TMC1: variants seen among roughly 807,000 people sequenced by gnomAD.
TMC1 encodes the protein transmembrane channel like 1.
In TMC1, 84 loss-of-function variants were observed where a neutral mutation model predicts 105.8. The observed-to-expected ratio is 0.79, with a 90% CI of 0.67 to 0.95. TMC1 has a LOEUF of 0.95. TMC1 is among the 40% of genes least tolerant of loss of function. The probability of loss-of-function intolerance (pLI) is 0.00; values close to 1 mark genes in which losing one functional copy is unlikely to be tolerated. For missense variants in TMC1, 817 were observed against 914.1 expected (o/e 0.89, Z 1.37); for synonymous variants, 315 against 311.5 (o/e 1.01, Z -0.12).
intron 2 of TMC1, among the ~76,000 whole-genome samples, chr9:72,614,065 CT>C (rs1350845909): frequency 1.3e-5 from 2 of 152,152 alleles, no homozygotes; most frequent in Non-Finnish European, 2.9e-5. Context: ...TATCCTAAAA[CT>C]ATTGAACCTG....
In TMC1 at chr9:72,719,143, G is replaced by T. The variant is rs183792002; in HGVS notation, c.362+18500G>T. The stretch of plus-strand genomic sequence containing the variant: ...CAGCCTCCTGGTTGAGAAAGCAAGC[G>T]GGGCTTTTGTGCCACCTCCCTGCCT... On this transcript the variant is annotated intron_variant, in intron 8 of 23. Transcript: ENST00000297784. 2.7e-3 allele frequency among the ~76,000 whole-genome samples: 414 copies of T among 152,258 alleles called. 1 individual carries two copies. Among genetic ancestry groups the T allele is most frequent in the Non-Finnish European group, 4.7e-3 (321 of 68,018 alleles).
intron 10 of TMC1, among the ~76,000 whole-genome samples, chr9:72,744,993 T>C (rs1564527141): frequency 6.6e-6 from 1 of 152,240 alleles, no homozygotes; most frequent in Non-Finnish European, 1.5e-5. Context: ...TCTAGTAAAT[T>C]TGGAAAGCCA....
chr9:72,792,473 A>G, intron 17 of TMC1, 121 bp downstream of exon 17: 1 of 1,175,472 alleles, frequency 8.5e-7, no homozygotes. Flanking sequence ...GATTTGTTGA[A>G]TGTTGACTGT....
chr9:72,752,447 A>AACACACACACAC (rs10640023), intron 11 of TMC1, among the ~76,000 whole-genome samples: 2,805 of 149,170 alleles, frequency 0.019, 34 homozygotes, highest in South Asian at 0.024. Context: ...TAATGCCCAC[A>AACACACACACAC]ACACACACAC....
intron 12 of TMC1, among the ~76,000 whole-genome samples, chr9:72,760,230 G>A (rs894282935): frequency 4.6e-5 from 7 of 151,984 alleles, no homozygotes; most frequent in East Asian, 1.9e-4. Flanking sequence ...AATAAAAATC[G>A]TATATTTGCA....
chr9:72,818,770 GC>G (rs1448932561), intron 19 of TMC1: 1 of 152,192 alleles, frequency 6.6e-6, no homozygotes, highest in African/African-American at 2.4e-5. Flanking sequence ...AGTGAGCCGA[GC>G]TGATTAGTAA....
intron 7 of TMC1, among the ~76,000 whole-genome samples, chr9:72,700,163 A>T (rs1440607469): frequency 6.6e-6 from 1 of 150,674 alleles, no homozygotes; most frequent in Non-Finnish European, 1.5e-5. Flanking sequence ...GCTGAGGTAG[A>T]TTGCTTGAAC....
In TMC1 at chr9:72,789,111, T is replaced by C; in HGVS notation, c.1030-12T>C. The stretch of plus-strand genomic sequence containing the variant: ...TGGGTTTTTGTTTGTTTGTTTGTTT[T>C]CATGGATACAGGAAGCTATCACAGA... On this transcript the variant is annotated splice_polypyrimidine_tract_variant and intron_variant, in intron 14 of 23. Coordinates refer to ENST00000297784, the MANE Select transcript of TMC1 (RefSeq NM_138691.3). 6.2e-7 allele frequency: 1 copy of C among 1,612,042 alleles called. No individual in the cohort carries two copies. The highest frequency in any genetic ancestry group is 8.5e-7 in the Non-Finnish European group (1 of 1,179,738).
At chr9:72,765,483 G>A (rs1220309243) in intron 12 of TMC1, among the ~76,000 whole-genome samples, 1 of 151,604 alleles carries the variant, frequency 6.6e-6, no homozygotes, top group Non-Finnish European at 1.5e-5. Flanking sequence ...CTCTAGAATG[G>A]GGCAGGCAAT....
intron 3 of TMC1, among the ~76,000 whole-genome samples, chr9:72,621,344 C>T (rs893704092): frequency 1.3e-5 from 2 of 152,178 alleles, no homozygotes; most frequent in Admixed American, 6.5e-5. Context: ...GTGCCTTACA[C>T]GTAATTACTG....
chr9:72,575,012 C>T (rs80174258), intron 1 of TMC1, among the ~76,000 whole-genome samples: 3,804 of 152,188 alleles, frequency 0.025, 63 homozygotes, highest in Non-Finnish European at 0.033. Context: ...GGCCAACTGT[C>T]GTGAGGCCCC....
rs1395359920 is a variant in TMC1, at chr9:72,708,329, A to AT, written c.362+7688dup. Among the ~76,000 whole-genome samples, 20 of 152,212 alleles carry AT rather than the reference A, an allele frequency of 1.3e-4. No individual in the cohort carries two copies. In the East Asian group the frequency reaches 3.9e-3, roughly 29 times the overall value. The stretch of plus-strand genomic sequence containing the variant: ...ATGGTGGTATTTTGATGAGAATTGC[A>AT]TTGAATTTGTAGATTACTTTAGGTA... On this transcript the variant is annotated intron_variant, in intron 8 of 23. Transcript: ENST00000297784.
At chr9:72,528,567 C>T (rs1314491459) in intron 1 of TMC1, among the ~76,000 whole-genome samples, 3 of 152,108 alleles carry the variant, frequency 2.0e-5, no homozygotes, top group Non-Finnish European at 4.4e-5. Context: ...CTCCTGACCT[C>T]AGGTGATCCA....
At chr9:72,592,117 C>T (rs1824650206) in intron 2 of TMC1, among the ~76,000 whole-genome samples, 1 of 152,090 alleles carries the variant, frequency 6.6e-6, no homozygotes, top group Non-Finnish European at 1.5e-5. Context: ...AGGATTTGAT[C>T]AGCAGGGTAA....
rs1825380321 is a variant in TMC1, at chr9:72,627,988, C to T, written c.-128C>T. On this transcript the variant is annotated 5_prime_UTR_variant, in exon 4 of 24. The change creates a premature stop within an existing upstream ORF in the 5' untranslated region. Transcript: ENST00000297784. ...ATCTGAAAATCTCTGCTGGGGGCAG[C>T]AACTTTGAGCCTGTGGGGAAGGAAC... 1 of 455,382 alleles carries T rather than the reference C, an allele frequency of 2.2e-6. No individual in the cohort carries two copies. 28.2% of individuals were successfully genotyped at this position (455,382 alleles called of 1,614,324 possible).
At chr9:72,588,854 C>T (rs1286393034) in intron 2 of TMC1, among the ~76,000 whole-genome samples, 1 of 151,456 alleles carries the variant, frequency 6.6e-6, no homozygotes, top group Non-Finnish European at 1.5e-5. Flanking sequence ...CGGCTCACCA[C>T]GACCTCTGCC....
intron 19 of TMC1, among the ~76,000 whole-genome samples, chr9:72,816,530 A>G (rs941874827): frequency 9.9e-5 from 15 of 152,206 alleles, no homozygotes; most frequent in Admixed American, 3.3e-4. Flanking sequence ...TAATTACATT[A>G]CCACATGATA....
At position 72,531,797 on chromosome 9, in the gene TMC1, T is replaced by C. The variant is rs78654588; in HGVS notation, c.-428+9884T>C. Among the ~76,000 whole-genome samples the C allele has an allele frequency of 3.0e-3, 452 of 152,330 alleles. 2 individuals carry two copies. The highest frequency in any genetic ancestry group is 0.01 in the African/African-American group (431 of 41,580). ...TACCCTCTTGGCCACCTATCTTCAA[T>C]TGGAAAATGCCCTCAATTCAAAAAT... On this transcript the variant is annotated intron_variant, in intron 1 of 23. Transcript: ENST00000297784.
chr9:72,537,276 C>A (rs936191208), intron 1 of TMC1, among the ~76,000 whole-genome samples: 1 of 151,900 alleles, frequency 6.6e-6, no homozygotes, highest in African/African-American at 2.4e-5. Context: ...CCTTTGGGGC[C>A]TTTTTTTTCC....
Sources: allele counts gnomAD v4.1 joint callset (sites outside exome capture counted in the v4.1 genomes callset), GRCh38; gene constraint gnomAD v4.1.1; transcripts MANE v1.5; gene names NCBI Gene and HGNC (gene_info 2026-07-23, HGNC 2026-07-21).